Variants in VAV2 observed in about 807,000 individuals in gnomAD.
VAV2 encodes guanine nucleotide exchange factor VAV2.
Under a neutral mutation model 132.5 loss-of-function variants are expected in VAV2, and 67 were observed. That is an observed-to-expected ratio of 0.51 (90% CI 0.42 to 0.62). The LOEUF (loss-of-function observed/expected upper bound fraction) is 0.62, where lower values mean the gene tolerates loss of function less well. VAV2 is among the 20% of genes least tolerant of loss of function. The pLI is 0.00. For synonymous variants in VAV2, 492 were observed against 443.5 expected, an observed-to-expected ratio of 1.11 and a Z score of -1.37; for missense variants, 938 against 1,153.6, an observed-to-expected ratio of 0.81 and a Z score of 2.71.
intron 2 of VAV2, among the ~76,000 whole-genome samples, chr9:133,908,810 C>T (rs1297365845): frequency 1.3e-5 from 2 of 152,258 alleles, no homozygotes; most frequent in Admixed American, 6.5e-5. Context: ...GAGCGGACTT[C>T]CAACCGCTTG....
chr9:133,987,338 G>A (rs896334274), intron 1 of VAV2, among the ~76,000 whole-genome samples: 19 of 152,246 alleles, frequency 1.2e-4, no homozygotes, highest in South Asian at 1.0e-3. Flanking sequence ...TTCAAAGCGC[G>A]TGGAGGACAG....
rs144389638 is a variant in VAV2 at position 133,851,664 on chromosome 9, G to GTGGATGGATGGATGGA, written c.380+9694_380+9709dup. Among the ~76,000 whole-genome samples the GTGGATGGATGGATGGA allele has an allele frequency of 6.3e-4, 95 of 151,150 alleles. 2 individuals are homozygous for GTGGATGGATGGATGGA. In the South Asian group the frequency reaches 7.1e-3, roughly 11 times the overall value. On this transcript the variant is annotated intron_variant, in intron 3 of 29. Transcript: ENST00000371850. ...AGGGCAGAGCGAAATGGACAGAAGG[G>GTGGATGGATGGATGGA]TGGATGGATGGATGGATGGATGGAT...
Position 133,774,999 on chromosome 9 carries a change from C to G in VAV2, c.2071G>C (p.Ala691Pro), listed in dbSNP as rs142993722. The G allele has an allele frequency of 3.7e-6, 6 of 1,613,414 alleles. No homozygotes were observed. The highest frequency in any genetic ancestry group is 1.6e-4 in the Middle Eastern group (1 of 6,082). Residue 691 changes from alanine (A) to proline (P), a missense_variant, in exon 25 of 30, where the codon GCC becomes CCC. Physicochemically the swap from Ala to Pro is conservative, Grantham distance 27. Coordinates refer to ENST00000371850, the MANE Select transcript of VAV2 (RefSeq NM_001134398.2). ...QQTDNLLKSH[A>P]SGTYLIRERP... ...TCCCTGATCAGGTAGGTCCCGCTGG[C>G]GTGGGACTTGAGCAGGTTGTCCGTC...
chr9:133,793,622 G>C (rs1454260263), intron 12 of VAV2, among the ~76,000 whole-genome samples: 6 of 152,186 alleles, frequency 3.9e-5, no homozygotes, highest in Admixed American at 6.5e-5. Context: ...CGTGCACCTG[G>C]CCCAATGCCT....
At chr9:133,809,594 C>T (rs1203652791) in intron 6 of VAV2, among the ~76,000 whole-genome samples, 1 of 152,210 alleles carries the variant, frequency 6.6e-6, no homozygotes. Context: ...CACCATTGCA[C>T]ATGTCAGTAC....
intron 1 of VAV2, among the ~76,000 whole-genome samples, chr9:133,955,040 TC>T (rs142924247): frequency 3.0e-4 from 45 of 152,038 alleles, no homozygotes; most frequent in African/African-American, 1.0e-3. Flanking sequence ...AGACACTCCT[TC>T]CTCCGGCTAC....
At chr9:133,899,427 GAGATGGGGTCTCGCTCTGTC>G (rs931398133) in intron 2 of VAV2, among the ~76,000 whole-genome samples, 20 of 151,480 alleles carry the variant, frequency 1.3e-4, no homozygotes, top group Non-Finnish European at 2.8e-4. Context: ...ATTTATTTAT[GAGATGGGGTCTCGCTCTGTC>G]ACCCAGGCTG....
At chr9:133,893,747 C>T (rs1445464659) in intron 2 of VAV2, among the ~76,000 whole-genome samples, 1 of 152,194 alleles carries the variant, frequency 6.6e-6, no homozygotes, top group Non-Finnish European at 1.5e-5. Flanking sequence ...ACGGTGATTC[C>T]ACCCACAGCC....
At chr9:133,936,931 T>C (rs1374469699) in intron 2 of VAV2, among the ~76,000 whole-genome samples, 6 of 152,198 alleles carry the variant, frequency 3.9e-5, no homozygotes, top group African/African-American at 9.7e-5. Flanking sequence ...CTGGAAACCA[T>C]GGACGATGAC....
Position 133,883,883 on chromosome 9 carries a change from C to A in VAV2, c.322-22451G>T, listed in dbSNP as rs144361156. On this transcript the variant is annotated intron_variant, in intron 2 of 29. Coordinates refer to ENST00000371850, the MANE Select transcript of VAV2 (RefSeq NM_001134398.2). The surrounding 1 kb of genome is among the most constrained non-coding windows in gnomAD (Gnocchi z 4.2). ...CGGTGTGGTGGCTTATACCTGTAAT[C>A]CCAGCACTTTGGGAGGCTGAGGCAG... is the stretch of plus-strand genomic sequence containing the variant. Among the ~76,000 whole-genome samples, 1,401 of 152,242 alleles carry A rather than the reference C, an allele frequency of 9.2e-3. 12 individuals carry two copies. Among genetic ancestry groups the A allele is most frequent in the Non-Finnish European group, 0.014 (948 of 68,020 alleles).
At chr9:133,861,816 AG>A (rs1031965805) in intron 2 of VAV2, among the ~76,000 whole-genome samples, 1 of 152,212 alleles carries the variant, frequency 6.6e-6, no homozygotes, top group African/African-American at 2.4e-5. Flanking sequence ...TACTAAGTAC[AG>A]CTCGTGTTCA....
intron 17 of VAV2, among the ~76,000 whole-genome samples, chr9:133,785,183 A>G (rs2510239): frequency 0.56 from 85,686 of 151,908 alleles, 24,258 homozygotes; most frequent in Middle Eastern, 0.6. Flanking sequence ...TTTCACCAGA[A>G]GAAACGGTCA....
At chr9:133,886,017 G>A (rs1176529744) in intron 2 of VAV2, among the ~76,000 whole-genome samples, 2 of 152,242 alleles carry the variant, frequency 1.3e-5, no homozygotes, top group South Asian at 2.1e-4. Flanking sequence ...AGACTGGTCT[G>A]GTCCCATCTC....
chr9:133,774,755 G>A (rs1209704907), intron 25 of VAV2, among the ~76,000 whole-genome samples, 180 bp downstream of exon 25: 2 of 152,140 alleles, frequency 1.3e-5, no homozygotes, highest in Non-Finnish European at 2.9e-5. Flanking sequence ...GCCCTGCCCA[G>A]CACACCTGTA....
chr9:133,954,918 G>A (rs1292564932), intron 1 of VAV2, among the ~76,000 whole-genome samples: 1 of 152,166 alleles, frequency 6.6e-6, no homozygotes, highest in Non-Finnish European at 1.5e-5. Flanking sequence ...CAAACAGGTG[G>A]AGGGTAAGAT....
chr9:133,961,678 C>T lies in VAV2; in HGVS notation c.205-22459G>A, dbSNP rs1195294547. Reference sequence around the variant, plus strand: ...ATAAGCCTCAGCCAGTTTTACTTCCCATTGCAAACCCCTAGCCGGTTTGCC... The same window carrying T: ...ATAAGCCTCAGCCAGTTTTACTTCCTATTGCAAACCCCTAGCCGGTTTGCC... On this transcript the variant is annotated intron_variant, in intron 1 of 29. Transcript: ENST00000371850. The surrounding 1 kb of genome is among the most constrained non-coding windows in gnomAD (Gnocchi z 4.1). Among the ~76,000 whole-genome samples the T allele has an allele frequency of 6.6e-6, 1 of 152,210 alleles. No homozygotes were observed. The highest frequency in any genetic ancestry group is 2.4e-5 in the African/African-American group (1 of 41,444).
At chr9:133,981,479 C>T (rs994852473) in intron 1 of VAV2, among the ~76,000 whole-genome samples, 1 of 152,212 alleles carries the variant, frequency 6.6e-6, no homozygotes, top group African/African-American at 2.4e-5. Flanking sequence ...TGAGGGAGGG[C>T]AGGCGGCGGG....
Position 133,769,626 on chromosome 9 carries a change from A to C in VAV2, c.2348-123T>G. ...GGCCCTTTGGCAGGAGAGGCCCTAC[A>C]GGGGGGCAAAGGAGGCAGGGGGCAG... On this transcript the variant is annotated intron_variant, in intron 27 of 29. Coordinates refer to ENST00000371850, the MANE Select transcript of VAV2 (RefSeq NM_001134398.2). This position sits in a 1 kb window ranked among gnomAD's most constrained non-coding sequence, Gnocchi z 8.1. The C allele has an allele frequency of 9.9e-7, 1 of 1,005,338 alleles. No homozygotes were observed. Among genetic ancestry groups the C allele is most frequent in the Non-Finnish European group, 1.5e-6 (1 of 688,170 alleles). The allele number at this position is 1,005,338 out of a possible 1,614,324, so 62.3% of individuals were successfully genotyped here. A position where few individuals can be genotyped will look rare whatever the true frequency, so the allele number is the denominator to read the frequency against.
chr9:133,898,131 G>A (rs1453030570), intron 2 of VAV2, among the ~76,000 whole-genome samples: 1 of 152,074 alleles, frequency 6.6e-6, no homozygotes, highest in East Asian at 1.9e-4. Flanking sequence ...GAGGCTGGGA[G>A]GGACCTCGGA....
Sources: gnomAD v4.1 joint callset for allele counts (sites outside exome capture counted in the v4.1 genomes callset) on GRCh38, gnomAD v4.1.1 for gene constraint, Gnocchi (gnomAD v3.1) non-coding constraint, MANE v1.5 for transcripts, NCBI Gene and HGNC (gene_info 2026-07-23, HGNC 2026-07-21) for gene names.